Variants in PCID2 observed in about 807,000 individuals in gnomAD.
PCID2 encodes the protein PCI domain-containing protein 2.
Under a neutral mutation model 61.3 loss-of-function variants are expected in PCID2, and 41 were observed. The ratio of observed to expected loss-of-function variants is 0.67; its 90% CI spans 0.52 to 0.87. PCID2 has a LOEUF of 0.87. Ranked by LOEUF, PCID2 falls within the 40% of genes least tolerant of loss-of-function variation. The probability of loss-of-function intolerance (pLI) is 0.00; values close to 1 mark genes in which losing one functional copy is unlikely to be tolerated. For missense variants in PCID2, 392 were observed against 493.4 expected, an observed-to-expected ratio of 0.79 and a Z score of 1.95; for synonymous variants, 187 against 177.8, an observed-to-expected ratio of 1.05 and a Z score of -0.41.
At chr13:113,169,529 A>T in the PCID2 span, among the ~76,000 whole-genome samples, 3 of 152,192 alleles carry the variant, frequency 2.0e-5, no homozygotes, top group Admixed American at 6.5e-5. Flanking sequence ...TTTGTGCTCT[A>T]TACATACACT....
intron 9 of PCID2, among the ~76,000 whole-genome samples, chr13:113,182,285 G>A (rs1205783684): frequency 6.6e-6 from 1 of 152,112 alleles, no homozygotes; most frequent in Admixed American, 6.5e-5. Flanking sequence ...CTTGCACAGT[G>A]AGCGTGAATG....
intron 9 of PCID2, among the ~76,000 whole-genome samples, chr13:113,182,528 T>C (rs932869407): frequency 6.6e-6 from 1 of 152,042 alleles, no homozygotes; most frequent in Non-Finnish European, 1.5e-5. Context: ...TGAGATGGAG[T>C]CTTGCTCTGT....
intron 7 of PCID2, chr13:113,190,662 G>A (rs1299744467): frequency 2.2e-5 from 9 of 404,054 alleles, no homozygotes; most frequent in African/African-American, 1.0e-4. Context: ...ATGGTCAAAT[G>A]TGGGCAAATG....
rs559576129 is a variant in PCID2, at chr13:113,195,184, A to G, written c.309-59T>C. On this transcript the variant is annotated intron_variant, in intron 5 of 13. Coordinates refer to ENST00000337344, the MANE Select transcript of PCID2 (RefSeq NM_001127202.4). ...CTACGTGGGCCAAGATTCCATCCCC[A>G]GAGGTGGGAAGAACACGGACACCCA... 3.9e-6 allele frequency: 4 copies of G among 1,020,798 alleles called. No homozygotes were observed. In the East Asian group the frequency reaches 9.5e-5, roughly 24 times the overall value. 63.2% of individuals were successfully genotyped at this position (1,020,798 alleles called of 1,614,324 possible). A position where few individuals can be genotyped will look rare whatever the true frequency, so the allele number is the denominator to read the frequency against.
chr13:113,184,168 T>A (rs2037892991), intron 9 of PCID2, 178 bp downstream of exon 9: 2 of 429,530 alleles, frequency 4.7e-6, no homozygotes, highest in Non-Finnish European at 6.2e-6. Context: ...CAGTATGGAT[T>A]AAGAATCTTC....
At chr13:113,204,130 T>C (rs1595276478) in intron 1 of PCID2, among the ~76,000 whole-genome samples, 2 of 152,354 alleles carry the variant, frequency 1.3e-5, no homozygotes, top group South Asian at 4.1e-4. Flanking sequence ...TTCCAGGCAC[T>C]CCAGGCCCCG....
downstream of PCID2, among the ~76,000 whole-genome samples, chr13:113,176,562 G>GGTGTGGTGGC (rs2138626455): frequency 8.1e-4 from 3 of 3,696 alleles, no homozygotes; most frequent in Non-Finnish European, 0.14. Context: ...AGGCGTTCCA[G>GGTGTGGTGGC]ACCAGCCTGT....
At chr13:113,178,909 T>C (rs2037358089) in intron 13 of PCID2, 57 bp downstream of exon 13, 1 of 1,552,046 alleles carries the variant, frequency 6.4e-7, no homozygotes, top group Admixed American at 2.0e-5. Flanking sequence ...AAGCTTCAAA[T>C]TCTGGGCTGA....
intron 3 of PCID2, 58 bp downstream of exon 3, chr13:113,198,133 C>T: frequency 8.8e-7 from 1 of 1,138,584 alleles, no homozygotes; most frequent in Non-Finnish European, 1.3e-6. Flanking sequence ...AGATAAAATC[C>T]CCAGTTAATT....
chr13:113,184,683 C>G (rs757082716), intron 8 of PCID2, among the ~76,000 whole-genome samples, 196 bp from the exon 9 acceptor site: 2 of 151,780 alleles, frequency 1.3e-5, no homozygotes, highest in Non-Finnish European at 2.9e-5. Flanking sequence ...AAAGCCGTTC[C>G]GGGGGCGCAG....
intron 10 of PCID2, among the ~76,000 whole-genome samples, chr13:113,180,698 A>C (rs2138666373): frequency 6.6e-6 from 1 of 152,332 alleles, no homozygotes; most frequent in East Asian, 1.9e-4. Flanking sequence ...TGCTTTTCTC[A>C]TTAGTCAATT....
At chr13:113,207,961 T>A in intron 1 of PCID2, 2 of 1,401,636 alleles carry the variant, frequency 1.4e-6, no homozygotes, top group East Asian at 2.3e-5. Flanking sequence ...CATAGTTTAG[T>A]GGAAAGAATA....
chr13:113,190,064 G>A (rs981927820), intron 7 of PCID2, among the ~76,000 whole-genome samples: 19 of 151,900 alleles, frequency 1.3e-4, no homozygotes, highest in Non-Finnish European at 1.5e-4. Flanking sequence ...GACTAACAGC[G>A]GCCTGTGAGG....
At chr13:113,197,542 A>G (rs2039108325) in intron 3 of PCID2, among the ~76,000 whole-genome samples, 1 of 152,248 alleles carries the variant, frequency 6.6e-6, no homozygotes, top group Non-Finnish European at 1.5e-5. Context: ...CATTCAAACT[A>G]GATTCCCAGC....
rs1201104377 is a variant in PCID2, at chr13:113,179,690, C to A, written c.986+227G>T. On this transcript the variant is annotated intron_variant, in intron 12 of 13. Transcript: ENST00000337344. This position sits in a 1 kb window ranked among gnomAD's most constrained non-coding sequence, Gnocchi z 4.3. Reference sequence around the variant, plus strand: ...CTCAAGTTGTCTTCTCACATAGAACCTGCTTACCTCCCCCACAAGTCCAGG... The same window carrying A: ...CTCAAGTTGTCTTCTCACATAGAACATGCTTACCTCCCCCACAAGTCCAGG... 6.6e-6 allele frequency among the ~76,000 whole-genome samples: 1 copy of A among 152,208 alleles called. No homozygotes were observed. Among genetic ancestry groups the A allele is most frequent in the Non-Finnish European group, 1.5e-5 (1 of 68,044 alleles).
At chr13:113,181,437 T>C (rs2037626836) in intron 9 of PCID2, among the ~76,000 whole-genome samples, 1 of 152,226 alleles carries the variant, frequency 6.6e-6, no homozygotes, top group Non-Finnish European at 1.5e-5. Context: ...AGGAACTGCC[T>C]GGGAAGTCCT....
At chr13:113,168,018 T>A in the PCID2 span, among the ~76,000 whole-genome samples, 1 of 152,200 alleles carries the variant, frequency 6.6e-6, no homozygotes, top group Non-Finnish European at 1.5e-5. Context: ...CGACGCCACA[T>A]CCGCTCGCTG....
intron 11 of PCID2, 39 bp downstream of exon 11, chr13:113,180,119 A>G (rs2037498649): frequency 6.2e-7 from 1 of 1,613,724 alleles, no homozygotes. Context: ...TCAGGCTTGC[A>G]TTTTTAAAAC....
downstream of PCID2, among the ~76,000 whole-genome samples, chr13:113,174,324 A>C (rs966245802): frequency 3.9e-5 from 6 of 152,164 alleles, no homozygotes; most frequent in Non-Finnish European, 5.9e-5. Context: ...AAATCTGTGA[A>C]ATCAGGAACA....
Sources: allele counts gnomAD v4.1 joint callset (sites outside exome capture counted in the v4.1 genomes callset), GRCh38; gene constraint gnomAD v4.1.1; non-coding constraint Gnocchi (gnomAD v3.1); transcripts MANE v1.5; gene names NCBI Gene and HGNC (gene_info 2026-07-23, HGNC 2026-07-21).